The following MLLT3 variants were observed in gnomAD, a reference collection of about 807,000 sequenced individuals.
The protein encoded by MLLT3 is protein AF-9.
A neutral mutation model predicts 53.2 loss-of-function variants in MLLT3; 4 were observed. The observed-to-expected ratio is 0.08, with a 90% CI of 0.04 to 0.17. The LOEUF (loss-of-function observed/expected upper bound fraction) is 0.17. MLLT3 is among the 10% of genes least tolerant of loss of function. The pLI is 1.00. For missense variants in MLLT3, 569 were observed against 684.0 expected, an observed-to-expected ratio of 0.83 and a Z score of 1.87; for synonymous variants, 283 against 230.6, an observed-to-expected ratio of 1.23 and a Z score of -2.06.
chr9:20,588,685 T>C lies in MLLT3; in HGVS notation c.193+31969A>G, dbSNP rs1027200987. On this transcript the variant is annotated intron_variant, in intron 2 of 10. Coordinates refer to ENST00000380338, the MANE Select transcript of MLLT3 (RefSeq NM_004529.4). ...CAGGAATGCCTGTGATTTTTGCACA[T>C]TGATTTTGTATCCTGAGACTTTGCT... Among the ~76,000 whole-genome samples the C allele has an allele frequency of 2.6e-5, 4 of 152,348 alleles. 1 individual carries two copies. The highest frequency in any genetic ancestry group is 4.8e-5 in the African/African-American group (2 of 41,568).
chr9:20,442,204 G>T (rs1426208512), intron 4 of MLLT3, among the ~76,000 whole-genome samples: 1 of 152,162 alleles, frequency 6.6e-6, no homozygotes, highest in Non-Finnish European at 1.5e-5. Flanking sequence ...CCATCAGATT[G>T]GGGGAGAGGG....
intron 5 of MLLT3, among the ~76,000 whole-genome samples, chr9:20,377,969 T>G (rs1234790913): frequency 6.6e-6 from 1 of 152,074 alleles, no homozygotes; most frequent in African/African-American, 2.4e-5. Context: ...TCAATAGAAT[T>G]AGAATACTGG....
At chr9:20,540,136 G>C (rs781399093) in intron 2 of MLLT3, among the ~76,000 whole-genome samples, 22 of 152,204 alleles carry the variant, frequency 1.4e-4, no homozygotes, top group Non-Finnish European at 3.1e-4. Flanking sequence ...CCAAGGCCTT[G>C]GGCAGCTCTG....
chr9:20,352,792 A>G (rs551722638), intron 10 of MLLT3, among the ~76,000 whole-genome samples: 2 of 151,778 alleles, frequency 1.3e-5, no homozygotes, highest in South Asian at 4.2e-4. Context: ...AAAAAAAAAA[A>G]GAAGAAAAAA....
intron 5 of MLLT3, among the ~76,000 whole-genome samples, chr9:20,396,257 G>T (rs1022691103): frequency 1.3e-5 from 2 of 151,672 alleles, no homozygotes; most frequent in Non-Finnish European, 2.9e-5. Context: ...CTAACAATAT[G>T]TGAAGTAAGG....
intron 5 of MLLT3, among the ~76,000 whole-genome samples, chr9:20,373,742 A>T (rs151260577): frequency 1.4e-3 from 208 of 152,352 alleles, no homozygotes; most frequent in African/African-American, 4.7e-3. Context: ...CATAAAATGT[A>T]AACCTCACCT....
intron 2 of MLLT3, among the ~76,000 whole-genome samples, chr9:20,546,636 A>C (rs1818795949): frequency 6.6e-6 from 1 of 152,084 alleles, no homozygotes; most frequent in South Asian, 2.1e-4. Flanking sequence ...CCTGCGAATG[A>C]CCCTGTATGG....
chr9:20,427,210 A>C (rs866619837), intron 4 of MLLT3, among the ~76,000 whole-genome samples: 74 of 152,116 alleles, frequency 4.9e-4, no homozygotes, highest in Non-Finnish European at 8.4e-4. Context: ...ATGAAGTATA[A>C]AAAGGAAAAA....
chr9:20,469,607 A>C (rs973097240), intron 2 of MLLT3, among the ~76,000 whole-genome samples: 1 of 152,104 alleles, frequency 6.6e-6, no homozygotes, highest in South Asian at 2.1e-4. Flanking sequence ...GTTGAATCTT[A>C]AAGTCAAAGA....
chr9:20,446,661 G>C (rs958670213), intron 4 of MLLT3, among the ~76,000 whole-genome samples: 1 of 152,140 alleles, frequency 6.6e-6, no homozygotes, highest in Non-Finnish European at 1.5e-5. Flanking sequence ...AAAAAAATGA[G>C]ATTGATTAGG....
intron 5 of MLLT3, among the ~76,000 whole-genome samples, chr9:20,403,217 T>C (rs1324318853): frequency 1.3e-5 from 2 of 152,226 alleles, no homozygotes; most frequent in African/African-American, 4.8e-5. Context: ...ATGAGATTTC[T>C]GAAGTTTCTT....
At chr9:20,592,509 C>T (rs1383449534) in intron 2 of MLLT3, among the ~76,000 whole-genome samples, 1 of 152,116 alleles carries the variant, frequency 6.6e-6, no homozygotes, top group Non-Finnish European at 1.5e-5. Flanking sequence ...GGACACAAGT[C>T]ATATTAGATT....
At chr9:20,398,598 G>A (rs1310025557) in intron 5 of MLLT3, among the ~76,000 whole-genome samples, 1 of 152,018 alleles carries the variant, frequency 6.6e-6, no homozygotes, top group Non-Finnish European at 1.5e-5. Context: ...ACATTAGAGG[G>A]AATATAATCA....
Position 20,465,871 on chromosome 9 carries a change from C to T in MLLT3, c.194-9085G>A, listed in dbSNP as rs139615984. Among the ~76,000 whole-genome samples the T allele has an allele frequency of 1.9e-3, 293 of 152,130 alleles. 1 individual carries two copies. The highest frequency in any genetic ancestry group is 3.1e-3 in the Non-Finnish European group (214 of 67,964). ...AATGAGGGTGATGTTAATATGATGA[C>T]GACAGTTTATACAGGGTACATATAG... On this transcript the variant is annotated intron_variant, in intron 2 of 10. Coordinates refer to ENST00000380338, the MANE Select transcript of MLLT3 (RefSeq NM_004529.4).
chr9:20,465,299 G>A (rs908692008), intron 2 of MLLT3, among the ~76,000 whole-genome samples: 3 of 152,088 alleles, frequency 2.0e-5, no homozygotes, highest in East Asian at 1.9e-4. Flanking sequence ...TTTCTCAAAC[G>A]TATATTCACC....
chr9:20,492,951 G>T (rs557526391), intron 2 of MLLT3, among the ~76,000 whole-genome samples: 108 of 151,968 alleles, frequency 7.1e-4, no homozygotes, highest in African/African-American at 2.5e-3. Flanking sequence ...CCAATTGATT[G>T]TCTTACCTTT....
chr9:20,401,658 C>G (rs1057265978), intron 5 of MLLT3, among the ~76,000 whole-genome samples: 1 of 152,150 alleles, frequency 6.6e-6, no homozygotes, highest in African/African-American at 2.4e-5. Flanking sequence ...ATGGTACCTA[C>G]CAGTGAGTCA....
At chr9:20,600,588 A>G (rs1820396865) in intron 2 of MLLT3, among the ~76,000 whole-genome samples, 1 of 152,180 alleles carries the variant, frequency 6.6e-6, no homozygotes, top group African/African-American at 2.4e-5. Flanking sequence ...TTTCCCGATT[A>G]AGGAACCCAC....
In MLLT3 at chr9:20,365,725, G is replaced by A. The variant is rs1406003409; in HGVS notation, c.1145C>T (p.Ala382Val). ...GGAGCTGGAGCTGGAGCTGGAGCTGGCAGGACTGGGTTGTTCAGACTTTAA... is the reference window on the plus strand; with the variant it reads ...GGAGCTGGAGCTGGAGCTGGAGCTGACAGGACTGGGTTGTTCAGACTTTAA... Reference protein sequence around the residue: ...SKSDSEQPSPASSSSSSSSSF... With the variant: ...SKSDSEQPSPVSSSSSSSSSF... Residue 382 changes from alanine (A) to valine (V), a missense_variant, in exon 6 of 11, where the codon GCC becomes GTC. Transcript: ENST00000380338. 6 of 1,614,060 alleles carry A rather than the reference G, an allele frequency of 3.7e-6. No homozygotes were observed. The highest frequency in any genetic ancestry group is 3.3e-5 in the Admixed American group (2 of 60,008).
Sources: gnomAD v4.1 joint callset for allele counts (sites outside exome capture counted in the v4.1 genomes callset) on GRCh38, gnomAD v4.1.1 for gene constraint, MANE v1.5 for transcripts, NCBI Gene and HGNC (gene_info 2026-07-23, HGNC 2026-07-21) for gene names.